The following RALGAPA1 variants were observed in gnomAD, a reference collection of about 807,000 sequenced individuals.
The protein encoded by RALGAPA1 is Ral GTPase activating protein catalytic subunit alpha 1, also known as ral GTPase-activating protein subunit alpha-1.
A neutral mutation model predicts 269.6 loss-of-function variants in RALGAPA1; 52 were observed. The ratio of observed to expected loss-of-function variants is 0.19; its 90% CI spans 0.15 to 0.24. The LOEUF is 0.24. RALGAPA1 is among the 10% of genes least tolerant of loss of function. RALGAPA1 has a pLI of 1.00. For missense variants in RALGAPA1, 1,917 were observed against 3,013.9 expected (o/e 0.64, Z 8.52); for synonymous variants, 817 against 1,008.3 (o/e 0.81, Z 3.60).
rs535160537 is a variant in RALGAPA1 at position 35,571,598 on chromosome 14, C to T, written c.7369-854G>A. On this transcript the variant is annotated intron_variant, in intron 38 of 41. Transcript: ENST00000680220. Reference sequence around the variant, plus strand: ...GCTGAGACAGGGAATTGCTTGAACCCGGGAGGCGGAGGTTGCAGTGAGCCG... The same window carrying T: ...GCTGAGACAGGGAATTGCTTGAACCTGGGAGGCGGAGGTTGCAGTGAGCCG... Among the ~76,000 whole-genome samples the T allele has an allele frequency of 1.8e-3, 271 of 152,110 alleles. 2 individuals carry two copies. The highest frequency in any genetic ancestry group is 2.4e-3 in the Non-Finnish European group (165 of 67,964).
At chr14:35,700,363 G>C in intron 16 of RALGAPA1, 61 bp from the exon 17 acceptor site, 1 of 1,330,772 alleles carries the variant, frequency 7.5e-7, no homozygotes. Context: ...ATAATGAAAG[G>C]CTCGTGTCAC....
In RALGAPA1 at chr14:35,688,764, T is replaced by C; in HGVS notation, c.3647A>G (p.Asp1216Gly). ...GCTTACTGATGCAGTACCAAGTGTATCTAGAGGTCTGTACACACCAGGTTT... is the reference window on the plus strand; with the variant it reads ...GCTTACTGATGCAGTACCAAGTGTACCTAGAGGTCTGTACACACCAGGTTT... ...LVKPGVYRPL[D>G]TLGTASVSSK... is the part of the protein sequence containing the mutation. The change falls in exon 18 of 42, where the codon GAT becomes GGT. Residue 1216 changes from aspartate (D) to glycine (G), a missense_variant. Physicochemically the swap from Asp to Gly is moderately conservative, Grantham distance 94 (BLOSUM62 -1). Coordinates refer to ENST00000680220, the MANE Select transcript of RALGAPA1 (RefSeq NM_001346249.2). 1.4e-6 allele frequency: 2 copies of C among 1,452,112 alleles called. No homozygotes were observed. Among genetic ancestry groups the C allele is most frequent in the Non-Finnish European group, 1.8e-6 (2 of 1,109,740 alleles). 90.0% of individuals were successfully genotyped at this position (1,452,112 alleles called of 1,614,324 possible).
chr14:35,654,289 A>G, intron 30 of RALGAPA1, 78 bp downstream of exon 30: 4 of 1,382,070 alleles, frequency 2.9e-6, no homozygotes, highest in Non-Finnish European at 2.9e-6. Flanking sequence ...TAAAACTATT[A>G]AATAATTTTA....
chr14:35,792,884 A>G (rs868604177), intron 1 of RALGAPA1, among the ~76,000 whole-genome samples: 1,469 of 72,406 alleles, frequency 0.02, 29 homozygotes, highest in African/African-American at 0.19. Flanking sequence ...CAAGAGGGGA[A>G]AAAAAAAAAA....
At chr14:35,766,471 T>C (rs1016373342) in intron 4 of RALGAPA1, 23 of 1,506,034 alleles carry the variant, frequency 1.5e-5, no homozygotes, top group Admixed American at 7.2e-5. Context: ...GCCAAAGCAA[T>C]TGAAGTATCC....
At position 35,625,128 on chromosome 14, in the gene RALGAPA1, G is replaced by T. The variant is rs1176759742; in HGVS notation, c.6929+233C>A. Reference sequence around the variant, plus strand: ...ATCATGCCACTGCACTCAAGCCTGGGTGACAGTGGGAGACTCTGTCTCAAA... The same window carrying T: ...ATCATGCCACTGCACTCAAGCCTGGTTGACAGTGGGAGACTCTGTCTCAAA... On this transcript the variant is annotated intron_variant, in intron 35 of 41. Transcript: ENST00000680220. 3.5e-5 allele frequency among the ~76,000 whole-genome samples: 5 copies of T among 140,918 alleles called. No individual in the cohort carries two copies. The Admixed American group carries it at 3.6e-4, about 10-fold the overall frequency. The allele number at this position is 140,918 out of a possible 152,430, so 92.4% of individuals were successfully genotyped here.
At position 35,627,968 on chromosome 14, in the gene RALGAPA1, T is replaced by C. The variant is rs775634262; in HGVS notation, c.5996-17A>G. ...GAGTTTTCACTGGAAATAAAAAATA[T>C]AAATGAATGGGAATATTGCTGCTTC... is the stretch of plus-strand genomic sequence containing the variant. On this transcript the variant is annotated splice_polypyrimidine_tract_variant and intron_variant, in intron 33 of 41. Transcript: ENST00000680220. 13 of 1,539,500 alleles carry C rather than the reference T, an allele frequency of 8.4e-6. No homozygotes were observed. Among genetic ancestry groups the C allele is most frequent in the South Asian group, 5.1e-5 (4 of 78,440 alleles).
chr14:35,718,476 T>C (rs1347704629), intron 16 of RALGAPA1, among the ~76,000 whole-genome samples: 1 of 152,184 alleles, frequency 6.6e-6, no homozygotes, highest in African/African-American at 2.4e-5. Flanking sequence ...CTTACTACAA[T>C]GTATACACTT....
intron 31 of RALGAPA1, among the ~76,000 whole-genome samples, chr14:35,648,047 C>T (rs1034434109): frequency 2.0e-5 from 3 of 150,762 alleles, no homozygotes; most frequent in East Asian, 2.0e-4. Flanking sequence ...GGAGGTCGGG[C>T]GGGTGGATCA....
At chr14:35,628,013 T>C (rs2061096761) in intron 33 of RALGAPA1, 62 bp from the exon 34 acceptor site, 3 of 1,467,794 alleles carry the variant, frequency 2.0e-6, no homozygotes, top group Non-Finnish European at 2.7e-6. Flanking sequence ...CATATGACAA[T>C]GAAATATTAG....
chr14:35,598,109 G>A (rs2059031725), intron 36 of RALGAPA1, among the ~76,000 whole-genome samples: 1 of 152,120 alleles, frequency 6.6e-6, no homozygotes, highest in African/African-American at 2.4e-5. Flanking sequence ...AACTGTTGAG[G>A]AGTGAAGTCT....
intron 30 of RALGAPA1, among the ~76,000 whole-genome samples, chr14:35,652,794 ATTAT>A (rs2062928675): frequency 6.6e-6 from 1 of 152,198 alleles, no homozygotes; most frequent in South Asian, 2.1e-4. Flanking sequence ...TGAAAAAGAC[ATTAT>A]TTAAAAAAAG....
chr14:35,784,736 T>C (rs2075683133), intron 1 of RALGAPA1, among the ~76,000 whole-genome samples: 1 of 152,234 alleles, frequency 6.6e-6, no homozygotes, highest in African/African-American at 2.4e-5. Flanking sequence ...CAAACTGTTA[T>C]ATCATCAAGT....
chr14:35,553,345 C>T (rs1227563280), intron 39 of RALGAPA1, among the ~76,000 whole-genome samples: 1 of 152,128 alleles, frequency 6.6e-6, no homozygotes, highest in Non-Finnish European at 1.5e-5. Context: ...TATTCTGATG[C>T]AAGGAAACTG....
chr14:35,591,273 G>A (rs1401689272), intron 37 of RALGAPA1, among the ~76,000 whole-genome samples: 1 of 151,074 alleles, frequency 6.6e-6, no homozygotes, highest in Non-Finnish European at 1.5e-5. Flanking sequence ...GATACAGCAT[G>A]TTATATTTTA....
At chr14:35,666,587 T>C (rs1052668891) in intron 26 of RALGAPA1, among the ~76,000 whole-genome samples, 3 of 152,214 alleles carry the variant, frequency 2.0e-5, no homozygotes, top group Non-Finnish European at 2.9e-5. Flanking sequence ...TGTGGAGATA[T>C]GTTAGGCTTG....
In RALGAPA1 at chr14:35,700,144, T is replaced by G. The variant is rs1208842578; in HGVS notation, c.2407+18A>C. On this transcript the variant is annotated intron_variant, in intron 17 of 41. Transcript: ENST00000680220. The stretch of plus-strand genomic sequence containing the variant: ...AAAGTGAAAAAGGTGGTGCAGAAAT[T>G]AGCAGAGGTGGCACTACCTGAAAGC... The G allele has an allele frequency of 6.6e-7, 1 of 1,512,860 alleles. No individual in the cohort carries two copies. Among genetic ancestry groups the G allele is most frequent in the Admixed American group, 2.3e-5 (1 of 43,612 alleles). 93.7% of individuals were successfully genotyped at this position (1,512,860 alleles called of 1,614,324 possible). A position where few individuals can be genotyped will look rare whatever the true frequency, so the allele number is the denominator to read the frequency against.
chr14:35,561,724 C>T (rs1420887177), intron 39 of RALGAPA1, among the ~76,000 whole-genome samples: 2 of 151,948 alleles, frequency 1.3e-5, no homozygotes, highest in Admixed American at 6.6e-5. Context: ...AGCCCAGGCT[C>T]GTCTTGAACT....
intron 35 of RALGAPA1, among the ~76,000 whole-genome samples, chr14:35,615,185 A>C (rs1412527984): frequency 6.6e-6 from 1 of 152,198 alleles, no homozygotes; most frequent in Non-Finnish European, 1.5e-5. Flanking sequence ...TAGTACTGGC[A>C]AAATATTATT....
Sources: gnomAD v4.1 joint callset for allele counts (sites outside exome capture counted in the v4.1 genomes callset) on GRCh38, gnomAD v4.1.1 for gene constraint, MANE v1.5 for transcripts, NCBI Gene and HGNC (gene_info 2026-07-23, HGNC 2026-07-21) for gene names.